Variants in TCOF1 observed in about 807,000 individuals in gnomAD.
TCOF1 encodes treacle ribosome biogenesis factor 1.
A neutral mutation model predicts 149.0 loss-of-function variants in TCOF1; 33 were observed. The ratio of observed to expected loss-of-function variants is 0.22; its 90% CI spans 0.17 to 0.30. The LOEUF is 0.30. Ranked by LOEUF, TCOF1 falls within the 10% of genes least tolerant of loss-of-function variation. The pLI is 1.00. For missense variants in TCOF1, 1,728 were observed against 1,840.7 expected (o/e 0.94, Z 1.12); for synonymous variants, 789 against 738.8 (o/e 1.07, Z -1.10).
Position 150,372,218 on chromosome 5 carries a change from T to C in TCOF1, c.852T>C (p.Pro284=). ...EEGSESEEEA[P]AGTRSQVKAS... ...GATCTGAAAGTGAGGAGGAGGCCCC[T>C]GCAGGGACACGAAGCCAGGTGAGGC... The change falls in exon 7 of 27, where the codon CCT becomes CCC. Residue 284 remains proline, a synonymous_variant. Coordinates refer to ENST00000643257, the MANE Select transcript of TCOF1 (RefSeq NM_001371623.1). The C allele has an allele frequency of 6.2e-7, 1 of 1,611,958 alleles. No homozygotes were observed. The highest frequency in any genetic ancestry group is 8.5e-7 in the Non-Finnish European group (1 of 1,179,250).
intron 23 of TCOF1, chr5:150,394,952 A>C: frequency 6.6e-6 from 1 of 151,812 alleles, no homozygotes; most frequent in Non-Finnish European, 1.5e-5. Context: ...GCAGCAGCAG[A>C]AACGTAGGCT....
chr5:150,375,650 A>G (rs1257034408), intron 11 of TCOF1, 71 bp from the exon 12 acceptor site: 5 of 1,612,532 alleles, frequency 3.1e-6, no homozygotes, highest in Middle Eastern at 1.6e-4. Context: ...TCTGTCTACA[A>G]TCTTAGTTTC....
chr5:150,364,434 A>G (rs1343571265), intron 3 of TCOF1, among the ~76,000 whole-genome samples, 182 bp downstream of exon 3: 1 of 152,084 alleles, frequency 6.6e-6, no homozygotes, highest in African/African-American at 2.4e-5. Context: ...TTATATCTCC[A>G]TGCTCTGGGG....
intron 3 of TCOF1, chr5:150,367,546 T>C: frequency 2.4e-6 from 1 of 415,256 alleles, no homozygotes; most frequent in Non-Finnish European, 4.6e-6. Context: ...GCAGCAAGAA[T>C]GTGGGCCAGT....
intron 23 of TCOF1, chr5:150,394,109 T>TA (rs1461662166): frequency 6.1e-6 from 1 of 164,184 alleles, no homozygotes; most frequent in African/African-American, 2.4e-5. Context: ...GTGGTGCTGA[T>TA]GCACCTGGTA....
intron 19 of TCOF1, among the ~76,000 whole-genome samples, chr5:150,390,457 A>G (rs917985461): frequency 6.6e-6 from 1 of 152,144 alleles, no homozygotes; most frequent in South Asian, 2.1e-4. Flanking sequence ...TTTAGGGTTA[A>G]TGGCTGGTGC....
rs930558354 is a variant in TCOF1 at position 150,379,580 on chromosome 5, G to C, written c.2707G>C (p.Ala903Pro). ...THQIRAALAP[A>P]KESPRKGAAP... Reference sequence around the variant, plus strand: ...CCAGATCAGAGCTGCCTTGGCTCCTGCCAAGGAGTCCCCCAGGAAAGGGGC... The same window carrying C: ...CCAGATCAGAGCTGCCTTGGCTCCTCCCAAGGAGTCCCCCAGGAAAGGGGC... Residue 903 changes from alanine to proline, a missense_variant, in exon 17 of 27, where the codon GCC becomes CCC. Physicochemically the swap from Ala to Pro is conservative, Grantham distance 27. This residue lies in a region of TCOF1 where 1,696 missense variants were observed against 1,765.4 expected (regional missense o/e 0.96). Transcript: ENST00000643257. The C allele has an allele frequency of 4.1e-5, 66 of 1,614,062 alleles. No individual in the cohort carries two copies. The highest frequency in any genetic ancestry group is 5.2e-5 in the Non-Finnish European group (61 of 1,180,040).
At chr5:150,374,055 T>TG in intron 7 of TCOF1, 119 bp from the exon 8 acceptor site, 1 of 1,099,280 alleles carries the variant, frequency 9.1e-7, no homozygotes, top group Non-Finnish European at 1.3e-6. Context: ...AGGTGGGGAG[T>TG]GGGGAGGGAA....
intron 25 of TCOF1, among the ~76,000 whole-genome samples, chr5:150,398,703 G>A (rs1365996772): frequency 6.6e-6 from 1 of 152,262 alleles, no homozygotes; most frequent in East Asian, 1.9e-4. Context: ...AGGGAAACCA[G>A]GTAGACTGTG....
At chr5:150,394,201 T>C (rs1767978202) in intron 23 of TCOF1, 1 of 154,584 alleles carries the variant, frequency 6.5e-6, no homozygotes, top group African/African-American at 2.4e-5. Flanking sequence ...ACCATCAACT[T>C]TTCTTCCCTG....
At chr5:150,380,251 C>G (rs1318827327) in intron 17 of TCOF1, 1 of 183,648 alleles carries the variant, frequency 5.4e-6, no homozygotes, top group East Asian at 1.4e-4. Flanking sequence ...ACGAAGACTT[C>G]CGTAGCTAAA....
chr5:150,378,846 G>C, intron 14 of TCOF1, 59 bp from the exon 15 acceptor site: 1 of 1,612,490 alleles, frequency 6.2e-7, no homozygotes, highest in Non-Finnish European at 8.5e-7. Flanking sequence ...CTGTATTCTT[G>C]GCTAGCTGCT....
chr5:150,379,173 T>C, intron 15 of TCOF1, 56 bp from the exon 16 acceptor site: 1 of 1,613,058 alleles, frequency 6.2e-7, no homozygotes, highest in Non-Finnish European at 8.5e-7. Flanking sequence ...TAGTGGGGAG[T>C]GGGACCTGAA....
intron 2 of TCOF1, among the ~76,000 whole-genome samples, chr5:150,363,102 CT>C (rs1447689094): frequency 6.6e-6 from 1 of 152,140 alleles, no homozygotes; most frequent in East Asian, 1.9e-4. Flanking sequence ...CGGTTGGAGG[CT>C]CCCCGACTTC....
At chr5:150,359,563 C>T (rs1041923415) in intron 1 of TCOF1, among the ~76,000 whole-genome samples, 1 of 152,108 alleles carries the variant, frequency 6.6e-6, no homozygotes, top group Non-Finnish European at 1.5e-5. Flanking sequence ...GCTCCTAATG[C>T]TTGCTCTCAG....
At chr5:150,376,696 G>A (rs1399390656) in intron 14 of TCOF1, 76 bp downstream of exon 14, 11 of 1,468,936 alleles carry the variant, frequency 7.5e-6, no homozygotes, top group Non-Finnish European at 1.0e-5. Context: ...CTTGACTGGG[G>A]GCTAGTGTTG....
chr5:150,392,557 T>C, intron 21 of TCOF1, 148 bp from the exon 22 acceptor site: 1 of 747,454 alleles, frequency 1.3e-6, no homozygotes, highest in East Asian at 2.7e-5. Context: ...GCAAGGAGTG[T>C]TGAAGCAGTA....
chr5:150,392,862 C>A, intron 22 of TCOF1, 72 bp downstream of exon 22: 1 of 1,544,166 alleles, frequency 6.5e-7, no homozygotes, highest in South Asian at 1.2e-5. Context: ...CCTGTCTACC[C>A]GATCCCTCAG....
At chr5:150,399,167 C>G (rs1220111313) in intron 26 of TCOF1, 97 bp downstream of exon 26, 2 of 1,553,860 alleles carry the variant, frequency 1.3e-6, no homozygotes, top group Non-Finnish European at 1.8e-6. Context: ...TAGGTGGGCT[C>G]TAAGGGGAAA....
Sources: allele counts gnomAD v4.1 joint callset (sites outside exome capture counted in the v4.1 genomes callset), GRCh38; gene constraint gnomAD v4.1.1; regional missense constraint gnomAD v4.1.1; transcripts MANE v1.5; gene names NCBI Gene and HGNC (gene_info 2026-07-23, HGNC 2026-07-21).